The following TASP1 variants were observed in gnomAD, a reference collection of about 807,000 sequenced individuals.
TASP1 encodes threonine aspartase 1.
Under a neutral mutation model 56.6 loss-of-function variants are expected in TASP1, and 16 were observed. The ratio of observed to expected loss-of-function variants is 0.28; its 90% CI spans 0.19 to 0.43. TASP1 has a LOEUF of 0.43. Among genes scored for constraint, TASP1 ranks in the 20% least tolerant of loss-of-function variants. TASP1 has a pLI of 1.00. For synonymous variants in TASP1, 179 were observed against 184.2 expected, an observed-to-expected ratio of 0.97 and a Z score of 0.23; for missense variants, 393 against 511.6, an observed-to-expected ratio of 0.77 and a Z score of 2.24.
intron 4 of TASP1, among the ~76,000 whole-genome samples, chr20:13,609,407 A>G (rs2048269787): frequency 6.6e-6 from 1 of 152,160 alleles, no homozygotes. Flanking sequence ...ACACAGGCCA[A>G]GCGCGGTGGC....
the TASP1 span, among the ~76,000 whole-genome samples, chr20:13,380,096 A>G: frequency 6.6e-6 from 1 of 152,008 alleles, no homozygotes; most frequent in Admixed American, 6.6e-5. Context: ...CTCATTCTCC[A>G]TCCAGTTTTG....
At chr20:13,453,684 C>T (rs1296469491) in intron 11 of TASP1, among the ~76,000 whole-genome samples, 2 of 152,064 alleles carry the variant, frequency 1.3e-5, no homozygotes, top group Admixed American at 6.6e-5. Flanking sequence ...ACGTACTATT[C>T]ATTACATACT....
chr20:13,593,849 G>A (rs573151284), intron 4 of TASP1, among the ~76,000 whole-genome samples: 1 of 152,174 alleles, frequency 6.6e-6, no homozygotes, highest in Non-Finnish European at 1.5e-5. Flanking sequence ...AGAGAGCAGT[G>A]GTTCTCCCAG....
chr20:13,314,515 T>G, the TASP1 span, among the ~76,000 whole-genome samples: 1 of 151,954 alleles, frequency 6.6e-6, no homozygotes, highest in African/African-American at 2.4e-5. Context: ...ACCTAGATCC[T>G]GTGCCCTGTG....
the TASP1 span, among the ~76,000 whole-genome samples, chr20:13,382,425 T>C: frequency 4.6e-5 from 7 of 152,114 alleles, no homozygotes; most frequent in Non-Finnish European, 7.4e-5. Context: ...GGTGGGAGGA[T>C]TGCTTAAGCC....
intron 10 of TASP1, among the ~76,000 whole-genome samples, chr20:13,502,429 A>G (rs2043979294): frequency 6.6e-6 from 1 of 152,188 alleles, no homozygotes; most frequent in Non-Finnish European, 1.5e-5. Flanking sequence ...ACAATTATAA[A>G]AGTATACTTA....
At chr20:13,374,593 C>T in the TASP1 span, among the ~76,000 whole-genome samples, 1 of 152,142 alleles carries the variant, frequency 6.6e-6, no homozygotes, top group Non-Finnish European at 1.5e-5. Context: ...TGTGATCTGC[C>T]CGCCTCAGCC....
chr20:13,189,260 C>CT, the TASP1 span, among the ~76,000 whole-genome samples: 1 of 152,134 alleles, frequency 6.6e-6, no homozygotes, highest in African/African-American at 2.4e-5. Context: ...GAATTTATGA[C>CT]TAAGTCCTCA....
At chr20:13,220,757 C>A in the TASP1 span, among the ~76,000 whole-genome samples, 1 of 152,256 alleles carries the variant, frequency 6.6e-6, no homozygotes, top group Admixed American at 6.5e-5. Flanking sequence ...CACTCCTCCT[C>A]TCCCCCGACT....
the TASP1 span, among the ~76,000 whole-genome samples, chr20:13,127,977 A>G: frequency 6.6e-6 from 1 of 152,198 alleles, no homozygotes; most frequent in Non-Finnish European, 1.5e-5. Flanking sequence ...ATTCACTCGT[A>G]TGTGGCCTTA....
intron 1 of TASP1, among the ~76,000 whole-genome samples, chr20:13,637,258 T>A (rs762145486): frequency 6.6e-6 from 1 of 152,098 alleles, no homozygotes; most frequent in Non-Finnish European, 1.5e-5. Context: ...CCCAAGGATA[T>A]GAAAAAATCA....
chr20:13,585,158 AG>A (rs1224202552), intron 5 of TASP1, among the ~76,000 whole-genome samples: 1 of 152,220 alleles, frequency 6.6e-6, no homozygotes, highest in Non-Finnish European at 1.5e-5. Flanking sequence ...TATCCATATG[AG>A]GAAAAAATAA....
At chr20:13,154,080 T>A in the TASP1 span, 2 of 1,614,184 alleles carry the variant, frequency 1.2e-6, no homozygotes, top group Non-Finnish European at 1.7e-6. Context: ...ATTCATTATC[T>A]ATGGCAATGA....
At chr20:13,538,332 T>A (rs2045492795) in intron 8 of TASP1, among the ~76,000 whole-genome samples, 1 of 152,132 alleles carries the variant, frequency 6.6e-6, no homozygotes, top group Non-Finnish European at 1.5e-5. Flanking sequence ...TCTTATTAAC[T>A]CAGTCTTTCT....
At chr20:13,636,814 C>A (rs2049328186) in intron 1 of TASP1, among the ~76,000 whole-genome samples, 1 of 151,986 alleles carries the variant, frequency 6.6e-6, no homozygotes. Context: ...AACTGGATAG[C>A]CACATGCAAT....
At chr20:13,193,601 C>G in the TASP1 span, among the ~76,000 whole-genome samples, 2 of 152,184 alleles carry the variant, frequency 1.3e-5, no homozygotes, top group Non-Finnish European at 2.9e-5. Context: ...TGTATAAACA[C>G]TGGTTTAAAC....
intron 1 of TASP1, among the ~76,000 whole-genome samples, chr20:13,638,430 C>T (rs1447272497): frequency 6.6e-6 from 1 of 152,036 alleles, no homozygotes; most frequent in Non-Finnish European, 1.5e-5. Context: ...TCCTCCTCCT[C>T]CCCCTGAGTA....
the TASP1 span, among the ~76,000 whole-genome samples, chr20:13,129,852 C>T: frequency 6.6e-6 from 1 of 152,144 alleles, no homozygotes; most frequent in African/African-American, 2.4e-5. Flanking sequence ...GCTTCTCTCT[C>T]TTAGCCTTAT....
At chr20:13,353,519 TTTCGCCA>T in the TASP1 span, among the ~76,000 whole-genome samples, 1 of 152,238 alleles carries the variant, frequency 6.6e-6, no homozygotes, top group Non-Finnish European at 1.5e-5. Flanking sequence ...AGGAAAGCTA[TTTCGCCA>T]TTCATGCCCT....
Sources: gnomAD v4.1 joint callset for allele counts (sites outside exome capture counted in the v4.1 genomes callset) on GRCh38, gnomAD v4.1.1 for gene constraint, MANE v1.5 for transcripts, NCBI Gene and HGNC (gene_info 2026-07-23, HGNC 2026-07-21) for gene names.